PPP1R9A: variants seen among roughly 807,000 people sequenced by gnomAD.
PPP1R9A encodes protein phosphatase 1 regulatory subunit 9A.
Under a neutral mutation model 141.9 loss-of-function variants are expected in PPP1R9A, and 59 were observed. The observed-to-expected ratio is 0.42, with a 90% CI of 0.34 to 0.52. PPP1R9A has a LOEUF of 0.52. Ranked by LOEUF, PPP1R9A falls within the 20% of genes least tolerant of loss-of-function variation. The pLI, the probability that PPP1R9A is intolerant of heterozygous loss-of-function variation, is 0.10. For synonymous variants in PPP1R9A, 500 were observed against 569.7 expected, an observed-to-expected ratio of 0.88 and a Z score of 1.74; for missense variants, 1,444 against 1,611.9, an observed-to-expected ratio of 0.90 and a Z score of 1.78.
intron 6 of PPP1R9A, among the ~76,000 whole-genome samples, chr7:95,200,639 A>G (rs992178831): frequency 2.6e-5 from 4 of 152,108 alleles, no homozygotes; most frequent in African/African-American, 9.7e-5. Flanking sequence ...TTTACTTGAC[A>G]TTTATACTTA....
At chr7:95,274,240 C>A in intron 16 of PPP1R9A, 72 bp downstream of exon 16, 2 of 1,320,120 alleles carry the variant, frequency 1.5e-6, no homozygotes, top group South Asian at 2.7e-5. Flanking sequence ...TATTGTTAAC[C>A]AAAATCAGTG....
intron 2 of PPP1R9A, among the ~76,000 whole-genome samples, chr7:95,096,770 C>G (rs554689231): frequency 6.6e-6 from 1 of 152,134 alleles, no homozygotes. Context: ...TTATTGGGTT[C>G]TTCTGTCTTA....
chr7:95,268,487 T>C (rs1490537572), intron 12 of PPP1R9A, 63 bp from the exon 13 acceptor site: 12 of 1,573,262 alleles, frequency 7.6e-6, no homozygotes, highest in Admixed American at 1.7e-5. Context: ...TATCAGTGTC[T>C]GTGGTCTCTT....
chr7:94,923,349 A>G (rs1404099783), intron 2 of PPP1R9A, among the ~76,000 whole-genome samples: 2 of 152,248 alleles, frequency 1.3e-5, no homozygotes, highest in Non-Finnish European at 2.9e-5. Context: ...ACATGTACTT[A>G]AAGGAAACTT....
chr7:94,935,597 ATTG>A (rs1794685968), intron 2 of PPP1R9A, among the ~76,000 whole-genome samples: 2 of 152,318 alleles, frequency 1.3e-5, no homozygotes, highest in East Asian at 3.9e-4. Context: ...GATAAAAATT[ATTG>A]TTGTACAGTT....
At chr7:95,195,862 GC>G (rs1288445591) in intron 5 of PPP1R9A, among the ~76,000 whole-genome samples, 1 of 152,020 alleles carries the variant, frequency 6.6e-6, no homozygotes, top group East Asian at 1.9e-4. Context: ...AACAGCCTGG[GC>G]AAAACAATGA....
intron 4 of PPP1R9A, among the ~76,000 whole-genome samples, chr7:95,127,584 C>T (rs903783074): frequency 1.3e-5 from 2 of 150,442 alleles, no homozygotes; most frequent in African/African-American, 2.5e-5. Flanking sequence ...TTGTGTCATG[C>T]TAAGGTGTGG....
rs17166567 is a variant in PPP1R9A, at chr7:95,000,881, G to A, written c.1395+89373G>A. 3.8e-3 allele frequency among the ~76,000 whole-genome samples: 582 copies of A among 152,246 alleles called. 22 individuals are homozygous for A. Among genetic ancestry groups the A allele is most frequent in the East Asian group, 0.034 (176 of 5,174 alleles). On this transcript the variant is annotated intron_variant, in intron 2 of 19. Coordinates refer to ENST00000433360, the MANE Select transcript of PPP1R9A (RefSeq NM_001166160.2). Reference sequence around the variant, plus strand: ...GCTTTAGTTAACGCAGAATTGACTTGCAATTTTGGTTAAAGAGAATGAAAA... The same window carrying A: ...GCTTTAGTTAACGCAGAATTGACTTACAATTTTGGTTAAAGAGAATGAAAA...
chr7:95,144,344 A>G (rs1827220053), intron 4 of PPP1R9A, among the ~76,000 whole-genome samples: 1 of 152,108 alleles, frequency 6.6e-6, no homozygotes, highest in African/African-American at 2.4e-5. Flanking sequence ...GCTGAATAAT[A>G]CTTTATCATG....
At chr7:94,976,183 G>A (rs1799422994) in intron 2 of PPP1R9A, among the ~76,000 whole-genome samples, 1 of 152,152 alleles carries the variant, frequency 6.6e-6, no homozygotes, top group Non-Finnish European at 1.5e-5. Context: ...CAAGTATGGT[G>A]ATGACTGGTA....
intron 2 of PPP1R9A, among the ~76,000 whole-genome samples, chr7:94,963,707 G>C (rs979835398): frequency 6.6e-6 from 1 of 152,056 alleles, no homozygotes; most frequent in African/African-American, 2.4e-5. Flanking sequence ...AGAATGTTTT[G>C]GATTTTTGAT....
chr7:94,910,333 G>T lies in PPP1R9A; in HGVS notation c.220G>T (p.Gly74Cys). ...AATTAAAAACCTATTTATGCAGATGGGTATGGAACCCAACGAGAATGCTGC... is the reference window on the plus strand; with the variant it reads ...AATTAAAAACCTATTTATGCAGATGTGTATGGAACCCAACGAGAATGCTGC... ...NRIKNLFMQM[G>C]MEPNENAAVI... The change falls in exon 2 of 20, where the codon GGT (glycine) becomes TGT (cysteine). Residue 74 changes from glycine (G) to cysteine (C), a missense_variant. Physicochemically the swap from Gly to Cys is radical, Grantham distance 159. This residue lies in a region of PPP1R9A where 490 missense variants were observed against 521.1 expected (regional missense o/e 0.94). Transcript: ENST00000433360. This position sits in a 1 kb window ranked among gnomAD's most constrained non-coding sequence, Gnocchi z 4.5. 6.2e-7 allele frequency: 1 copy of T among 1,614,048 alleles called. No individual in the cohort carries two copies. The highest frequency in any genetic ancestry group is 8.5e-7 in the Non-Finnish European group (1 of 1,179,984).
intron 2 of PPP1R9A, among the ~76,000 whole-genome samples, chr7:95,027,729 G>A (rs1807086834): frequency 6.6e-6 from 1 of 152,166 alleles, no homozygotes; most frequent in South Asian, 2.1e-4. Context: ...CAACAAACAT[G>A]TGCAGCATGT....
intron 8 of PPP1R9A, among the ~76,000 whole-genome samples, chr7:95,244,835 C>T (rs1797903086): frequency 6.6e-6 from 1 of 152,122 alleles, no homozygotes; most frequent in Non-Finnish European, 1.5e-5. Context: ...ATATGCTAGC[C>T]ACTGTGCTAA....
chr7:95,254,972 T>C (rs1227437316), intron 12 of PPP1R9A, among the ~76,000 whole-genome samples: 1 of 152,168 alleles, frequency 6.6e-6, no homozygotes, highest in African/African-American at 2.4e-5. Context: ...TTATTTAATA[T>C]ATTGTAACAC....
chr7:95,094,718 A>G (rs140313532), intron 2 of PPP1R9A, among the ~76,000 whole-genome samples: 283 of 151,918 alleles, frequency 1.9e-3, no homozygotes, highest in African/African-American at 6.2e-3. Context: ...TGTCTCTACT[A>G]AAAATACAAA....
At chr7:95,198,261 C>A in intron 5 of PPP1R9A, 88 bp from the exon 6 acceptor site, 5 of 1,276,490 alleles carry the variant, frequency 3.9e-6, no homozygotes, top group South Asian at 3.5e-5. Flanking sequence ...GCTTGATGGA[C>A]CCTGCTGAGA....
At chr7:95,265,589 T>C (rs1458813865) in intron 12 of PPP1R9A, among the ~76,000 whole-genome samples, 1 of 152,214 alleles carries the variant, frequency 6.6e-6, no homozygotes, top group African/African-American at 2.4e-5. Flanking sequence ...GGGAGACATA[T>C]TGCATGTAGT....
chr7:95,094,752 C>T (rs1001376056), intron 2 of PPP1R9A, among the ~76,000 whole-genome samples: 4 of 151,714 alleles, frequency 2.6e-5, no homozygotes, highest in East Asian at 3.9e-4. Flanking sequence ...TGGTGGCATG[C>T]GCCTGTAATC....
Sources: allele counts gnomAD v4.1 joint callset (sites outside exome capture counted in the v4.1 genomes callset), GRCh38; gene constraint gnomAD v4.1.1; regional missense constraint gnomAD v4.1.1; non-coding constraint Gnocchi (gnomAD v3.1); transcripts MANE v1.5; gene names NCBI Gene and HGNC (gene_info 2026-07-23, HGNC 2026-07-21).